The following CERS3 variants were observed in gnomAD, a reference collection of about 807,000 sequenced individuals.
The protein encoded by CERS3 is ceramide synthase 3, also known as LAG1 homolog, ceramide synthase 3.
Under a neutral mutation model 50.3 loss-of-function variants are expected in CERS3, and 33 were observed. The observed-to-expected ratio is 0.66, with a 90% CI of 0.50 to 0.88. The LOEUF (loss-of-function observed/expected upper bound fraction) is 0.88. Among genes scored for constraint, CERS3 ranks in the 40% least tolerant of loss-of-function variants. The probability of loss-of-function intolerance (pLI) is 0.00; values close to 1 mark genes in which losing one functional copy is unlikely to be tolerated. For synonymous variants in CERS3, 176 were observed against 155.2 expected, an observed-to-expected ratio of 1.13 and a Z score of -0.99; for missense variants, 470 against 460.3, an observed-to-expected ratio of 1.02 and a Z score of -0.19.
intron 10 of CERS3, among the ~76,000 whole-genome samples, chr15:100,462,117 A>AT (rs1205061045): frequency 6.6e-6 from 1 of 152,144 alleles, no homozygotes; most frequent in Non-Finnish European, 1.5e-5. Context: ...ACTGAATGGA[A>AT]TTTTCCTTTT....
intron 6 of CERS3, 50 bp from the exon 7 acceptor site, chr15:100,479,528 G>C (rs375004079): frequency 7.0e-7 from 1 of 1,422,582 alleles, no homozygotes; most frequent in South Asian, 1.2e-5. Context: ...TAAATTGGTC[G>C]GTGTCAAAGG....
rs969015811 is a variant in CERS3 at position 100,447,062 on chromosome 15, G to C, written c.999+8831C>G. ...TAGTTTGAAATGGCCCTACCAAACT[G>C]TCTCTTGTGGAGCAAACCTACATTT... On this transcript the variant is annotated intron_variant, in intron 11 of 11. Coordinates refer to ENST00000679737, the MANE Select transcript of CERS3 (RefSeq NM_001378789.1). 2.6e-5 allele frequency among the ~76,000 whole-genome samples: 4 copies of C among 152,314 alleles called. No homozygotes were observed. In the East Asian group the frequency reaches 5.8e-4, roughly 22 times the overall value.
At position 100,471,529 on chromosome 15, in the gene CERS3, G is replaced by T. The variant is rs553587442; in HGVS notation, c.738+1395C>A. On this transcript the variant is annotated intron_variant, in intron 9 of 11. Coordinates refer to ENST00000679737, the MANE Select transcript of CERS3 (RefSeq NM_001378789.1). ...ACACCAAAGGCAATTGAATATGAGG[G>T]TTTAGAAGCAACAGAGTCGTATAAA... is the stretch of plus-strand genomic sequence containing the variant. 4.7e-4 allele frequency among the ~76,000 whole-genome samples: 71 copies of T among 152,176 alleles called. 1 individual carries two copies. The highest frequency in any genetic ancestry group is 1.7e-3 in the African/African-American group (71 of 41,508).
intron 11 of CERS3, among the ~76,000 whole-genome samples, chr15:100,423,004 T>C (rs756427667): frequency 6.7e-6 from 1 of 150,128 alleles, no homozygotes; most frequent in Non-Finnish European, 1.5e-5. Context: ...AGTTAGTGGG[T>C]GCAGCACACC....
chr15:100,512,167 C>G (rs1340880036), intron 2 of CERS3, among the ~76,000 whole-genome samples: 1 of 152,196 alleles, frequency 6.6e-6, no homozygotes, highest in African/African-American at 2.4e-5. Flanking sequence ...TTTCTTGAAG[C>G]TTGGGCCAGT....
intron 11 of CERS3, among the ~76,000 whole-genome samples, chr15:100,412,513 A>G (rs1422702302): frequency 1.3e-5 from 2 of 152,028 alleles, no homozygotes; most frequent in Non-Finnish European, 2.9e-5. Context: ...TTCTTTTTCA[A>G]ATTTATAAGG....
intron 11 of CERS3, among the ~76,000 whole-genome samples, chr15:100,406,946 A>G (rs935813035): frequency 2.0e-5 from 3 of 152,200 alleles, no homozygotes; most frequent in Admixed American, 2.0e-4. Context: ...AAAGAGAGAG[A>G]GAGAGCTTGT....
At chr15:100,490,751 G>T (rs2035625040) in intron 4 of CERS3, 66 bp downstream of exon 4, 1 of 933,148 alleles carries the variant, frequency 1.1e-6, no homozygotes, top group South Asian at 1.4e-5. Flanking sequence ...CACAAGGTAA[G>T]CTATAGATAA....
chr15:100,492,406 C>T (rs552878707), intron 3 of CERS3, among the ~76,000 whole-genome samples: 39 of 152,290 alleles, frequency 2.6e-4, no homozygotes, highest in African/African-American at 9.1e-4. Context: ...TATATGTTTA[C>T]AATTGTTATA....
At chr15:100,417,993 C>T (rs562233878) in intron 11 of CERS3, among the ~76,000 whole-genome samples, 2 of 152,084 alleles carry the variant, frequency 1.3e-5, no homozygotes, top group Admixed American at 6.6e-5. Flanking sequence ...AAACAGAACA[C>T]AAAAACTGGA....
At chr15:100,485,136 C>T (rs2035447719) in intron 4 of CERS3, among the ~76,000 whole-genome samples, 1 of 152,148 alleles carries the variant, frequency 6.6e-6, no homozygotes, top group South Asian at 2.1e-4. Context: ...TAGGCTAGTG[C>T]ATTTTGTTAT....
At chr15:100,432,485 C>G (rs1401679539) in intron 11 of CERS3, among the ~76,000 whole-genome samples, 2 of 152,146 alleles carry the variant, frequency 1.3e-5, no homozygotes, top group African/African-American at 2.4e-5. Context: ...ATTTCAAGCT[C>G]AGTATGAATT....
intron 9 of CERS3, 102 bp downstream of exon 9, chr15:100,472,822 A>G: frequency 7.1e-7 from 1 of 1,400,800 alleles, no homozygotes; most frequent in East Asian, 2.3e-5. Context: ...GGGTGTTTTC[A>G]GGACACAGAG....
intron 9 of CERS3, 46 bp downstream of exon 9, chr15:100,472,878 C>T: frequency 6.2e-7 from 1 of 1,612,394 alleles, no homozygotes; most frequent in Admixed American, 1.7e-5. Flanking sequence ...GTTACGGAAA[C>T]CCAGGACATG....
At chr15:100,533,568 T>C (rs2036996738), upstream of CERS3, among the ~76,000 whole-genome samples, 1 of 145,720 alleles carries the variant, frequency 6.9e-6, no homozygotes, top group Non-Finnish European at 1.5e-5. Flanking sequence ...CTCTCTTTTT[T>C]TTTTTTTTTT....
chr15:100,475,905 G>A (rs190221888), intron 8 of CERS3, 181 bp downstream of exon 8: 218 of 342,200 alleles, frequency 6.4e-4, no homozygotes, highest in African/African-American at 4.3e-3. Context: ...CACTACAAAT[G>A]TTTACCAAGG....
chr15:100,500,497 T>C (rs1375427610), intron 3 of CERS3: 1 of 152,150 alleles, frequency 6.6e-6, no homozygotes, highest in Non-Finnish European at 1.5e-5. Context: ...CACCAAAAAG[T>C]AGGAAATCTG....
At chr15:100,421,516 A>G (rs1386842679) in intron 11 of CERS3, among the ~76,000 whole-genome samples, 1 of 151,860 alleles carries the variant, frequency 6.6e-6, no homozygotes, top group Non-Finnish European at 1.5e-5. Context: ...GCCCAAGGTA[A>G]TTTATAGATT....
At chr15:100,451,544 A>T (rs764259228) in intron 11 of CERS3, among the ~76,000 whole-genome samples, 3 of 152,146 alleles carry the variant, frequency 2.0e-5, no homozygotes, top group African/African-American at 7.2e-5. Flanking sequence ...TCTACTAAAA[A>T]TACAAAAACA....
Sources: gnomAD v4.1 joint callset for allele counts (sites outside exome capture counted in the v4.1 genomes callset) on GRCh38, gnomAD v4.1.1 for gene constraint, MANE v1.5 for transcripts, NCBI Gene and HGNC (gene_info 2026-07-23, HGNC 2026-07-21) for gene names.